The following BNIP3 variants were observed in gnomAD, a reference collection of about 807,000 sequenced individuals.
BNIP3 encodes BCL2/adenovirus E1B 19 kDa protein-interacting protein 3.
Under a neutral mutation model 23.9 loss-of-function variants are expected in BNIP3, and 16 were observed. The ratio of observed to expected loss-of-function variants is 0.67; its 90% CI spans 0.45 to 1.01. The LOEUF (loss-of-function observed/expected upper bound fraction) is 1.01. Ranked by LOEUF, BNIP3 falls within the 50% of genes least tolerant of loss-of-function variation. The pLI, the probability that BNIP3 is intolerant of heterozygous loss-of-function variation, is 0.00. For synonymous variants in BNIP3, 81 were observed against 89.3 expected (o/e 0.91, Z 0.53); for missense variants, 198 against 248.7 (o/e 0.80, Z 1.37).
Position 131,970,814 on chromosome 10 carries a change from G to A in BNIP3, c.390-27C>T, listed in dbSNP as rs1025276439. 6.2e-7 allele frequency: 1 copy of A among 1,614,240 alleles called. No homozygotes were observed. On this transcript the variant is annotated intron_variant, in intron 4 of 5. Coordinates refer to ENST00000368636, the MANE Select transcript of BNIP3 (RefSeq NM_004052.4). The surrounding 1 kb of genome is among the most constrained non-coding windows in gnomAD (Gnocchi z 4.1). ...TGAGGCGGGAAGAAACGTGTCAGCT[G>A]ATGTGTCCTCTGTCAAGGGGTGCCC...
At chr10:131,972,903 TG>T (rs1246945595) in intron 3 of BNIP3, 130 bp downstream of exon 3, 10 of 873,680 alleles carry the variant, frequency 1.1e-5, no homozygotes, top group Middle Eastern at 4.6e-4. Flanking sequence ...TTCGCTTTTT[TG>T]TTTTTTTTAA....
rs2037081780 is a variant in BNIP3 at position 131,976,932 on chromosome 10, C to T, written c.47-2989G>A. 6.6e-6 allele frequency among the ~76,000 whole-genome samples: 1 copy of T among 152,138 alleles called. No homozygotes were observed. Among genetic ancestry groups the T allele is most frequent in the Admixed American group, 6.5e-5 (1 of 15,282 alleles). On this transcript the variant is annotated intron_variant, in intron 1 of 5. Coordinates refer to ENST00000368636, the MANE Select transcript of BNIP3 (RefSeq NM_004052.4). The surrounding 1 kb of genome is among the most constrained non-coding windows in gnomAD (Gnocchi z 4.3). ...CGCACACACTGGTCAGGTTGTTCTG[C>T]CTATGGAGTCACCATCTTTTTACTG...
chr10:131,981,747 CT>C lies in BNIP3; in HGVS notation c.46+13del. 6.8e-7 allele frequency: 1 copy of C among 1,467,468 alleles called. No homozygotes were observed. The highest frequency in any genetic ancestry group is 9.0e-7 in the Non-Finnish European group (1 of 1,114,614). 90.9% of individuals were successfully genotyped at this position (1,467,468 alleles called of 1,614,324 possible). A position where few individuals can be genotyped will look rare whatever the true frequency, so the allele number is the denominator to read the frequency against. ...CGCGCCCCCTCGGCTCCCGCGCCGCCTCCTCCGCCTCACCCTGCAGGCTCTC... is the reference window on the plus strand; with the variant it reads ...CGCGCCCCCTCGGCTCCCGCGCCGCCCCTCCGCCTCACCCTGCAGGCTCTC... On this transcript the variant is annotated intron_variant, in intron 1 of 5. Transcript: ENST00000368636.
At chr10:131,978,546 C>G (rs1276013464) in intron 1 of BNIP3, among the ~76,000 whole-genome samples, 1 of 152,186 alleles carries the variant, frequency 6.6e-6, no homozygotes, top group Non-Finnish European at 1.5e-5. Context: ...TGGGCCACAG[C>G]CACGAGCCCC....
intron 5 of BNIP3, chr10:131,968,845 CT>C: frequency 3.1e-6 from 1 of 323,720 alleles, no homozygotes; most frequent in South Asian, 3.4e-5. Flanking sequence ...AAAGCTTCTG[CT>C]TTGTTCCAAC....
intron 5 of BNIP3, chr10:131,968,845 C>G: frequency 3.1e-6 from 1 of 323,720 alleles, no homozygotes; most frequent in Non-Finnish European, 6.0e-6. Flanking sequence ...AAAGCTTCTG[C>G]TTTGTTCCAA....
At chr10:131,975,748 C>A (rs1329746234) in intron 1 of BNIP3, among the ~76,000 whole-genome samples, 1 of 152,222 alleles carries the variant, frequency 6.6e-6, no homozygotes, top group Non-Finnish European at 1.5e-5. Flanking sequence ...CTTATGCCAT[C>A]AACAGTCTCC....
intron 2 of BNIP3, 65 bp downstream of exon 2, chr10:131,973,728 G>T: frequency 6.3e-7 from 1 of 1,588,348 alleles, no homozygotes. Flanking sequence ...GGCACTTCCA[G>T]CTGTGACTGT....
rs547353124 is a variant in BNIP3 at position 131,981,900 on chromosome 10, G to T, written c.-94C>A. Reference sequence around the variant, plus strand: ...GTGGGAAAGCGGAGGTCGGAGCGCCGCGGCCCAGCTGCGCTCCCGGACTGA... The same window carrying T: ...GTGGGAAAGCGGAGGTCGGAGCGCCTCGGCCCAGCTGCGCTCCCGGACTGA... On this transcript the variant is annotated 5_prime_UTR_variant, in exon 1 of 6. Transcript: ENST00000368636. 6.9e-5 allele frequency: 93 copies of T among 1,340,234 alleles called. 2 individuals carry two copies. In the South Asian group the frequency reaches 1.6e-3, roughly 23 times the overall value. The allele number at this position is 1,340,234 out of a possible 1,614,324, so 83.0% of individuals were successfully genotyped here.
intron 1 of BNIP3, among the ~76,000 whole-genome samples, chr10:131,979,557 C>G (rs987618740): frequency 6.6e-6 from 1 of 152,122 alleles, no homozygotes; most frequent in African/African-American, 2.4e-5. Context: ...AGAATCCTAC[C>G]TCTCCTGCAT....
intron 1 of BNIP3, among the ~76,000 whole-genome samples, chr10:131,974,775 C>A (rs114958741): frequency 2.5e-3 from 376 of 152,266 alleles, no homozygotes; most frequent in African/African-American, 7.9e-3. Flanking sequence ...TGGATAGCAT[C>A]TTTTTTGAAC....
intron 5 of BNIP3, chr10:131,969,881 G>A (rs1358653083): frequency 6.6e-6 from 1 of 152,374 alleles, no homozygotes; most frequent in African/African-American, 2.4e-5. Flanking sequence ...TTTCTGCAGG[G>A]TGAGTGAGTA....
Position 131,974,021 on chromosome 10 carries a change from G to GC in BNIP3, c.47-79dup. ...TCTGCTCTTGATATCTAACCAGCCT[G>GC]CCCTTCCATTTCCAAGAGGTAGCAA... On this transcript the variant is annotated intron_variant, in intron 1 of 5. Transcript: ENST00000368636. 1.1e-5 allele frequency: 18 copies of GC among 1,567,740 alleles called. No individual in the cohort carries two copies. In the South Asian group the frequency reaches 1.6e-4, roughly 14 times the overall value.
In BNIP3 at chr10:131,968,585, A is replaced by G; in HGVS notation, c.540-16T>C. The G allele has an allele frequency of 6.3e-7, 1 of 1,582,230 alleles. No individual in the cohort carries two copies. The highest frequency in any genetic ancestry group is 8.7e-7 in the Non-Finnish European group (1 of 1,151,832). On this transcript the variant is annotated splice_polypyrimidine_tract_variant and intron_variant, in intron 5 of 5. Transcript: ENST00000368636. ...AATATAGATCCTTCACAGAAAAATT[A>G]TCAGTAGTTAATGTATCTTGTGATT...
At chr10:131,977,710 T>G (rs1001694018) in intron 1 of BNIP3, among the ~76,000 whole-genome samples, 2 of 152,026 alleles carry the variant, frequency 1.3e-5, no homozygotes, top group African/African-American at 2.4e-5. Flanking sequence ...ACTGGCAACA[T>G]GGAGGAACAC....
chr10:131,968,907 T>C (rs1426299591), intron 5 of BNIP3: 1 of 215,772 alleles, frequency 4.6e-6, no homozygotes, highest in African/African-American at 2.3e-5. Flanking sequence ...TGCTAGTTCA[T>C]CACCACCAGC....
chr10:131,972,938 G>A (rs1261485410), intron 3 of BNIP3, 96 bp downstream of exon 3: 7 of 1,263,462 alleles, frequency 5.5e-6, no homozygotes, highest in Non-Finnish European at 5.6e-6. Flanking sequence ...CTTAAAGCCC[G>A]ACTTTTCTCT....
In BNIP3 at chr10:131,973,960, AAGG is replaced by A; in HGVS notation, c.47-20_47-18del. The A allele has an allele frequency of 6.2e-7, 1 of 1,613,406 alleles. No homozygotes were observed. Among genetic ancestry groups the A allele is most frequent in the Non-Finnish European group, 8.5e-7 (1 of 1,179,924 alleles). On this transcript the variant is annotated intron_variant, in intron 1 of 5. Transcript: ENST00000368636. ...CCCAGGAGCCTGATGGGGACAAAAA[AAGG>A]GGCGCAGATGGAATTCTCTACCCAC...
Position 131,971,250 on chromosome 10 carries a change from T to G in BNIP3, c.283-280A>C, listed in dbSNP as rs45582631. On this transcript the variant is annotated intron_variant, in intron 3 of 5. Coordinates refer to ENST00000368636, the MANE Select transcript of BNIP3 (RefSeq NM_004052.4). ...ATACATTTGGTTCACTGTGAGATTC[T>G]GGGGGTACTGACAGCGGCAAACACT... 3,580 of 444,458 alleles carry G rather than the reference T, an allele frequency of 8.1e-3. 120 individuals carry two copies. Among genetic ancestry groups the G allele is most frequent in the African/African-American group, 0.066 (3,339 of 50,352 alleles). The allele number at this position is 444,458 out of a possible 1,614,324, so 27.5% of individuals were successfully genotyped here.
Sources: gnomAD v4.1 joint callset for allele counts (sites outside exome capture counted in the v4.1 genomes callset) on GRCh38, gnomAD v4.1.1 for gene constraint, Gnocchi (gnomAD v3.1) non-coding constraint, MANE v1.5 for transcripts, NCBI Gene and HGNC (gene_info 2026-07-23, HGNC 2026-07-21) for gene names.